The following PLCL1 variants were observed in gnomAD, a reference collection of about 807,000 sequenced individuals.
PLCL1 encodes the protein inactive phospholipase C-like protein 1.
PLCL1 carries 41 observed loss-of-function variants against 84.4 expected under a neutral mutation model. The observed-to-expected ratio is 0.49, with a 90% CI of 0.38 to 0.63. The LOEUF (loss-of-function observed/expected upper bound fraction) is 0.63. Among genes scored for constraint, PLCL1 ranks in the 30% least tolerant of loss-of-function variants. The pLI, the probability that PLCL1 is intolerant of heterozygous loss-of-function variation, is 0.00. For missense variants in PLCL1, 1,206 were observed against 1,367.8 expected (o/e 0.88, Z 1.87); for synonymous variants, 490 against 488.3 (o/e 1.00, Z -0.05).
chr2:197,831,415 G>C (rs1372610405), intron 1 of PLCL1, among the ~76,000 whole-genome samples: 1 of 152,054 alleles, frequency 6.6e-6, no homozygotes, highest in Non-Finnish European at 1.5e-5. Context: ...GATCAAAAAA[G>C]ACAAAGAAGG....
At chr2:197,864,068 A>G (rs1238882639) in intron 1 of PLCL1, among the ~76,000 whole-genome samples, 1 of 152,194 alleles carries the variant, frequency 6.6e-6, no homozygotes, top group Non-Finnish European at 1.5e-5. Flanking sequence ...CTCTCTAACC[A>G]TGTCCCTGGT....
At chr2:197,981,111 C>T (rs1262591418) in intron 1 of PLCL1, among the ~76,000 whole-genome samples, 1 of 152,166 alleles carries the variant, frequency 6.6e-6, no homozygotes, top group East Asian at 1.9e-4. Context: ...AAGTTGCATT[C>T]ACTAGCCTTC....
At chr2:198,047,386 G>C (rs567718478) in intron 1 of PLCL1, among the ~76,000 whole-genome samples, 9 of 152,086 alleles carry the variant, frequency 5.9e-5, no homozygotes, top group Non-Finnish European at 1.2e-4. Context: ...GTTTCATCAC[G>C]TTGGCTGGGA....
chr2:197,868,882 G>C (rs901755848), intron 1 of PLCL1, among the ~76,000 whole-genome samples: 2 of 152,022 alleles, frequency 1.3e-5, no homozygotes, highest in African/African-American at 4.8e-5. Context: ...AACAAGAAGG[G>C]AGAAAAGAAT....
rs1360516264 is a variant in PLCL1 at position 198,086,250 on chromosome 2, A to G, written c.2715+18A>G. The G allele has an allele frequency of 4.0e-6, 6 of 1,493,632 alleles. No homozygotes were observed. The highest frequency in any genetic ancestry group is 2.3e-5 in the South Asian group (2 of 86,096). 92.5% of individuals were successfully genotyped at this position (1,493,632 alleles called of 1,614,324 possible). On this transcript the variant is annotated intron_variant, in intron 2 of 5. Coordinates refer to ENST00000428675, the MANE Select transcript of PLCL1 (RefSeq NM_006226.4). The stretch of plus-strand genomic sequence containing the variant: ...ATATGCAGGTAGGAGAAACACTCAC[A>G]CTCTCCTTCCCTATCCCTGCTTATT...
intron 1 of PLCL1, among the ~76,000 whole-genome samples, chr2:197,881,371 G>A (rs1687824698): frequency 6.6e-6 from 1 of 152,204 alleles, no homozygotes; most frequent in South Asian, 2.1e-4. Context: ...AGTTTTGTGA[G>A]CAGAGCATAG....
chr2:197,905,715 A>G (rs1258201564), intron 1 of PLCL1, among the ~76,000 whole-genome samples: 2 of 152,226 alleles, frequency 1.3e-5, no homozygotes, highest in African/African-American at 4.8e-5. Flanking sequence ...ATTTCTCCAC[A>G]GCCTTGCCAG....
rs115148237 is a variant in PLCL1 at position 198,112,984 on chromosome 2, C to T, written c.3105+9048C>T. On this transcript the variant is annotated intron_variant, in intron 5 of 5. Transcript: ENST00000428675. ...CAGCTTGAATCTCATATGTCAGTACCATTATTTTTATACACAAAAGAAAAT... is the reference window on the plus strand; with the variant it reads ...CAGCTTGAATCTCATATGTCAGTACTATTATTTTTATACACAAAAGAAAAT... 2.5e-3 allele frequency among the ~76,000 whole-genome samples: 385 copies of T among 151,922 alleles called. 2 individuals carry two copies. The highest frequency in any genetic ancestry group is 8.3e-3 in the African/African-American group (343 of 41,482).
intron 1 of PLCL1, among the ~76,000 whole-genome samples, chr2:198,040,366 CT>C (rs1271694344): frequency 6.6e-6 from 1 of 152,116 alleles, no homozygotes; most frequent in East Asian, 1.9e-4. Context: ...CATCCTAGGA[CT>C]ATCATGACTG....
At chr2:198,144,721 C>A (rs1357191442) in intron 5 of PLCL1, among the ~76,000 whole-genome samples, 4 of 152,186 alleles carry the variant, frequency 2.6e-5, no homozygotes, top group Non-Finnish European at 2.9e-5. Flanking sequence ...TCTTGCTCTG[C>A]CCTGTCTTCC....
At chr2:198,101,667 G>T (rs1469418556) in intron 4 of PLCL1, among the ~76,000 whole-genome samples, 1 of 151,934 alleles carries the variant, frequency 6.6e-6, no homozygotes, top group Non-Finnish European at 1.5e-5. Context: ...TCTACTGCTG[G>T]TATTGAAGCT....
intron 1 of PLCL1, among the ~76,000 whole-genome samples, chr2:197,890,068 T>C (rs1215639973): frequency 1.3e-5 from 2 of 152,250 alleles, no homozygotes; most frequent in Admixed American, 6.5e-5. Context: ...ATTTAATAAA[T>C]TCATCTTGGA....
chr2:197,835,540 C>T (rs1283576920), intron 1 of PLCL1, among the ~76,000 whole-genome samples: 1 of 152,114 alleles, frequency 6.6e-6, no homozygotes, highest in East Asian at 1.9e-4. Context: ...TTTAATAGTG[C>T]CAAAACTTGA....
chr2:198,141,218 G>A (rs1694377994), intron 5 of PLCL1, among the ~76,000 whole-genome samples: 1 of 152,112 alleles, frequency 6.6e-6, no homozygotes, highest in South Asian at 2.1e-4. Context: ...TGAAATATTT[G>A]GTTGCTGAGG....
chr2:198,078,054 C>T (rs1389260444), intron 1 of PLCL1, among the ~76,000 whole-genome samples: 2 of 152,148 alleles, frequency 1.3e-5, no homozygotes, highest in Non-Finnish European at 2.9e-5. Flanking sequence ...AGGAATCTAG[C>T]TCAGGCCATC....
Position 197,879,901 on chromosome 2 carries a change from G to C in PLCL1, c.240+74562G>C, listed in dbSNP as rs77740580. ...GAAACAAGGTATTTAGTAATATCAT[G>C]AATGTGAAGGTAATTAGTATTTAAT... On this transcript the variant is annotated intron_variant, in intron 1 of 5. Transcript: ENST00000428675. 2.0e-3 allele frequency among the ~76,000 whole-genome samples: 303 copies of C among 152,260 alleles called. 1 individual carries two copies. The highest frequency in any genetic ancestry group is 7.0e-3 in the African/African-American group (289 of 41,546).
chr2:197,842,108 A>C (rs1329009875), intron 1 of PLCL1, among the ~76,000 whole-genome samples: 3 of 152,212 alleles, frequency 2.0e-5, no homozygotes, highest in Non-Finnish European at 4.4e-5. Context: ...ATGCCTGTTA[A>C]ATTTTGTGTC....
chr2:197,851,766 C>CT (rs1478204955), intron 1 of PLCL1, among the ~76,000 whole-genome samples: 2 of 152,190 alleles, frequency 1.3e-5, no homozygotes, highest in African/African-American at 4.8e-5. Flanking sequence ...ACAAGAAGGT[C>CT]TAGCCTTGGA....
intron 5 of PLCL1, among the ~76,000 whole-genome samples, chr2:198,122,773 A>G (rs1025814197): frequency 2.6e-5 from 4 of 152,162 alleles, no homozygotes; most frequent in Admixed American, 1.3e-4. Context: ...TTTAAAATGT[A>G]AAATACACTT....
Sources: gnomAD v4.1 joint callset for allele counts (sites outside exome capture counted in the v4.1 genomes callset) on GRCh38, gnomAD v4.1.1 for gene constraint, MANE v1.5 for transcripts, NCBI Gene and HGNC (gene_info 2026-07-23, HGNC 2026-07-21) for gene names.